The following GPC6 variants were observed in gnomAD, a reference collection of about 807,000 sequenced individuals.
GPC6 encodes the protein glypican 6, also known as glypican-6.
Under a neutral mutation model 55.2 loss-of-function variants are expected in GPC6, and 14 were observed. The observed-to-expected ratio is 0.25, with a 90% confidence interval of 0.17 to 0.40. GPC6 has a LOEUF of 0.40. Ranked by LOEUF, GPC6 falls within the 10% of genes least tolerant of loss-of-function variation. The pLI, the probability that GPC6 is intolerant of heterozygous loss-of-function variation, is 1.00. For synonymous variants in GPC6, 278 were observed against 259.6 expected (o/e 1.07, Z -0.68); for missense variants, 641 against 708.5 (o/e 0.90, Z 1.08).
At chr13:94,305,870 G>A (rs1247594488) in intron 5 of GPC6, 110 bp from the exon 6 acceptor site, 1 of 1,004,312 alleles carries the variant, frequency 1.0e-6, no homozygotes, top group African/African-American at 1.6e-5. Flanking sequence ...TTTATTGGAG[G>A]TAAAAGTTTC....
chr13:94,085,321 C>CAAAA (rs33967804), intron 4 of GPC6, among the ~76,000 whole-genome samples: 9,490 of 86,674 alleles, frequency 0.11, 739 homozygotes, highest in East Asian at 0.23. Flanking sequence ...GATTCTGTCT[C>CAAAA]AAAAAAAAAA....
At chr13:94,004,766 T>C (rs945297890) in intron 3 of GPC6, among the ~76,000 whole-genome samples, 1 of 152,090 alleles carries the variant, frequency 6.6e-6, no homozygotes, top group Non-Finnish European at 1.5e-5. Flanking sequence ...TCTTTAAATC[T>C]GAATAGACAG....
chr13:93,857,082 C>T (rs1888645552), intron 3 of GPC6, among the ~76,000 whole-genome samples: 2 of 151,646 alleles, frequency 1.3e-5, no homozygotes, highest in Admixed American at 6.6e-5. Context: ...GGATGCAATG[C>T]ATTTTGTCAC....
At chr13:93,295,290 C>CAAAAAAAAAAAAAA (rs67379652) in intron 1 of GPC6, among the ~76,000 whole-genome samples, 2 of 66,684 alleles carry the variant, frequency 3.0e-5, no homozygotes, top group African/African-American at 1.5e-4. Context: ...GACCCTGTCT[C>CAAAAAAAAAAAAAA]AAAAAAAAAA....
rs368602806 is a variant in GPC6, at chr13:93,748,555, A to G, written c.320-81599A>G. On this transcript the variant is annotated intron_variant, in intron 2 of 8. Coordinates refer to ENST00000377047, the MANE Select transcript of GPC6 (RefSeq NM_005708.5). The stretch of plus-strand genomic sequence containing the variant: ...TCTTAAGTTTTTATAAATGACAAGG[A>G]ATTTTGCCGTTTATGGCTTCATATG... 3.3e-5 allele frequency among the ~76,000 whole-genome samples: 5 copies of G among 152,058 alleles called. No homozygotes were observed. The East Asian group carries it at 7.7e-4, about 23-fold the overall frequency.
At chr13:94,152,746 C>T (rs1287093918) in intron 4 of GPC6, among the ~76,000 whole-genome samples, 1 of 152,040 alleles carries the variant, frequency 6.6e-6, no homozygotes, top group Non-Finnish European at 1.5e-5. Context: ...AATCTGATTA[C>T]CTAAGTGAAG....
intron 1 of GPC6, among the ~76,000 whole-genome samples, chr13:93,233,890 G>A (rs1220242156): frequency 2.0e-5 from 3 of 152,164 alleles, no homozygotes; most frequent in Admixed American, 1.3e-4. Flanking sequence ...CCTGCTTCTT[G>A]ACCGTAAGTT....
At chr13:93,416,631 G>A (rs192758170) in intron 1 of GPC6, among the ~76,000 whole-genome samples, 50 of 152,160 alleles carry the variant, frequency 3.3e-4, no homozygotes, top group Non-Finnish European at 6.6e-4. Context: ...GCAAATTGTA[G>A]GTCTTATACA....
intron 1 of GPC6, among the ~76,000 whole-genome samples, chr13:93,445,160 G>T (rs1181341932): frequency 4.6e-5 from 7 of 152,084 alleles, no homozygotes; most frequent in African/African-American, 1.7e-4. Context: ...TAGAGGAGTT[G>T]GAAAAATATA....
chr13:94,102,272 T>G (rs1885892091), intron 4 of GPC6, among the ~76,000 whole-genome samples: 1 of 152,144 alleles, frequency 6.6e-6, no homozygotes, highest in Non-Finnish European at 1.5e-5. Flanking sequence ...TGTGTTTAGG[T>G]AGGAAGAATA....
At chr13:94,239,618 G>T (rs1005771912) in intron 4 of GPC6, among the ~76,000 whole-genome samples, 4 of 152,014 alleles carry the variant, frequency 2.6e-5, no homozygotes, top group African/African-American at 9.7e-5. Context: ...AGCACTCTCG[G>T]CATTAGAGTC....
intron 4 of GPC6, among the ~76,000 whole-genome samples, chr13:94,080,865 T>C (rs1202380043): frequency 6.6e-6 from 1 of 152,192 alleles, no homozygotes; most frequent in Non-Finnish European, 1.5e-5. Context: ...CTTCAAGATA[T>C]GAATTTTGGA....
chr13:93,655,445 T>A (rs1311881604), intron 2 of GPC6, among the ~76,000 whole-genome samples: 2 of 152,104 alleles, frequency 1.3e-5, no homozygotes, highest in Non-Finnish European at 2.9e-5. Flanking sequence ...GCCAAACTGC[T>A]CCTTTGATAA....
At chr13:93,778,855 A>G (rs1885548159) in intron 2 of GPC6, among the ~76,000 whole-genome samples, 1 of 152,106 alleles carries the variant, frequency 6.6e-6, no homozygotes, top group African/African-American at 2.4e-5. Context: ...GGCTGGATAC[A>G]TTTGCCTTGA....
Position 93,769,095 on chromosome 13 carries a change from C to T in GPC6, c.320-61059C>T, listed in dbSNP as rs114187423. 6.5e-3 allele frequency among the ~76,000 whole-genome samples: 989 copies of T among 152,042 alleles called. 11 individuals are homozygous for T. The highest frequency in any genetic ancestry group is 0.022 in the African/African-American group (924 of 41,394). On this transcript the variant is annotated intron_variant, in intron 2 of 8. Transcript: ENST00000377047. ...CTGTAAATCACATGGGATTTTTCAT[C>T]GGCTCATTCCCTTACAATCTTTTTC...
At chr13:93,565,688 C>T (rs1185597805) in intron 2 of GPC6, among the ~76,000 whole-genome samples, 1 of 152,032 alleles carries the variant, frequency 6.6e-6, no homozygotes, top group Non-Finnish European at 1.5e-5. Context: ...CTTTGGGAGG[C>T]TAAAGCAGGT....
intron 1 of GPC6, among the ~76,000 whole-genome samples, chr13:93,490,714 C>A (rs1459664164): frequency 8.6e-6 from 1 of 115,654 alleles, no homozygotes; most frequent in Non-Finnish European, 1.7e-5. Context: ...ATTCCCCTTC[C>A]TGTGTCCATG....
intron 6 of GPC6, among the ~76,000 whole-genome samples, chr13:94,378,187 A>T (rs1447879016): frequency 6.6e-6 from 1 of 152,066 alleles, no homozygotes; most frequent in East Asian, 1.9e-4. Context: ...CCTAAAACTT[A>T]AAGTATAATA....
At chr13:93,486,442 A>G (rs1277839414) in intron 1 of GPC6, among the ~76,000 whole-genome samples, 1 of 152,248 alleles carries the variant, frequency 6.6e-6, no homozygotes, top group African/African-American at 2.4e-5. Context: ...TGATACATGA[A>G]GAATTTATTT....
Sources: gnomAD v4.1 joint callset for allele counts (sites outside exome capture counted in the v4.1 genomes callset) on GRCh38, gnomAD v4.1.1 for gene constraint, MANE v1.5 for transcripts, NCBI Gene and HGNC (gene_info 2026-07-23, HGNC 2026-07-21) for gene names.